The following MYO9A variants were observed in gnomAD, a reference collection of about 807,000 sequenced individuals.
MYO9A encodes the protein myosin IXA.
A neutral mutation model predicts 293.3 loss-of-function variants in MYO9A; 103 were observed. That is an observed-to-expected ratio of 0.35 (90% confidence interval 0.30 to 0.41). The LOEUF (loss-of-function observed/expected upper bound fraction) is 0.41, where lower values mean the gene tolerates loss of function less well. Among genes scored for constraint, MYO9A ranks in the 10% least tolerant of loss-of-function variants. MYO9A has a pLI of 1.00. For missense variants in MYO9A, 2,685 were observed against 3,033.0 expected, an observed-to-expected ratio of 0.89 and a Z score of 2.69; for synonymous variants, 1,001 against 1,035.7, an observed-to-expected ratio of 0.97 and a Z score of 0.64.
chr15:71,955,573 G>A (rs888150741), intron 14 of MYO9A, among the ~76,000 whole-genome samples: 2 of 152,178 alleles, frequency 1.3e-5, no homozygotes, highest in Non-Finnish European at 2.9e-5. Context: ...CATGGTAGGA[G>A]TATATCACAA....
chr15:72,067,378 C>T (rs2079053185), intron 1 of MYO9A, among the ~76,000 whole-genome samples: 1 of 151,934 alleles, frequency 6.6e-6, no homozygotes, highest in African/African-American at 2.4e-5. Flanking sequence ...GGCGCAGTAT[C>T]GACTCACTGT....
At chr15:71,949,520 G>C (rs2059004439) in intron 15 of MYO9A, among the ~76,000 whole-genome samples, 2 of 151,360 alleles carry the variant, frequency 1.3e-5, no homozygotes, top group East Asian at 3.9e-4. Context: ...CTCCAATTAA[G>C]GCAGAAAGAC....
At chr15:71,887,855 A>G (rs534042749) in intron 27 of MYO9A, 149 bp downstream of exon 27, 3 of 476,434 alleles carry the variant, frequency 6.3e-6, no homozygotes, top group African/African-American at 4.0e-5. Flanking sequence ...AACAGTAGGT[A>G]CTTACCATTT....
chr15:71,958,892 A>G (rs2059263158), intron 14 of MYO9A: 2 of 152,236 alleles, frequency 1.3e-5, no homozygotes, highest in African/African-American at 4.8e-5. Context: ...TGCCAAAGGA[A>G]TATACAGATA....
chr15:71,851,727 C>A (rs2055657294), intron 36 of MYO9A, among the ~76,000 whole-genome samples: 1 of 152,152 alleles, frequency 6.6e-6, no homozygotes, highest in Non-Finnish European at 1.5e-5. Flanking sequence ...GCACTTACAG[C>A]ACTGAGAAAC....
chr15:71,965,098 T>G (rs2147168270), intron 13 of MYO9A, among the ~76,000 whole-genome samples: 1 of 151,884 alleles, frequency 6.6e-6, no homozygotes, highest in South Asian at 2.1e-4. Flanking sequence ...TAATGTTCAG[T>G]ATAAAATATT....
chr15:71,865,806 A>G (rs535714856), intron 32 of MYO9A, among the ~76,000 whole-genome samples: 1 of 152,304 alleles, frequency 6.6e-6, no homozygotes, highest in South Asian at 2.1e-4. Flanking sequence ...TAAATAGTTA[A>G]ATTTTGTTAT....
At chr15:72,061,112 A>G (rs1043392049) in intron 1 of MYO9A, among the ~76,000 whole-genome samples, 1 of 152,194 alleles carries the variant, frequency 6.6e-6, no homozygotes, top group African/African-American at 2.4e-5. Flanking sequence ...GGAAAGACCC[A>G]GTCCTGGCAG....
chr15:72,035,591 C>T (rs2078020529), intron 2 of MYO9A, among the ~76,000 whole-genome samples: 1 of 152,100 alleles, frequency 6.6e-6, no homozygotes, highest in African/African-American at 2.4e-5. Context: ...CTGCTTGAAG[C>T]CAGGAGTTTG....
chr15:71,881,774 A>G (rs1225248473), intron 28 of MYO9A, among the ~76,000 whole-genome samples: 1 of 152,212 alleles, frequency 6.6e-6, no homozygotes, highest in Non-Finnish European at 1.5e-5. Flanking sequence ...TGCTTATAAT[A>G]TGAATTTTCA....
At chr15:71,843,600 C>T (rs935882087) in intron 39 of MYO9A, among the ~76,000 whole-genome samples, 2 of 152,136 alleles carry the variant, frequency 1.3e-5, no homozygotes. Flanking sequence ...GCGATCCTCC[C>T]ACCTCAGCCT....
chr15:71,991,403 T>A (rs2076538540), intron 10 of MYO9A, among the ~76,000 whole-genome samples, 166 bp from the exon 11 acceptor site: 1 of 152,240 alleles, frequency 6.6e-6, no homozygotes, highest in Non-Finnish European at 1.5e-5. Flanking sequence ...ATTTTAGTTA[T>A]CTTTATCTTA....
intron 5 of MYO9A, among the ~76,000 whole-genome samples, chr15:72,020,661 A>G (rs2077477413): frequency 6.6e-6 from 1 of 152,184 alleles, no homozygotes; most frequent in Admixed American, 6.5e-5. Flanking sequence ...AAATATCAAT[A>G]AACAGCTTAT....
chr15:71,867,410 A>G (rs991787872), intron 32 of MYO9A, among the ~76,000 whole-genome samples: 12 of 152,200 alleles, frequency 7.9e-5, no homozygotes, highest in African/African-American at 2.9e-4. Flanking sequence ...TTTCTTAAAA[A>G]TCTTCCACAT....
intron 26 of MYO9A, chr15:71,889,918 A>C (rs1015581942): frequency 6.6e-6 from 1 of 152,228 alleles, no homozygotes; most frequent in Non-Finnish European, 1.5e-5. Flanking sequence ...CTAAGTGTAT[A>C]GTCAACAGTG....
At chr15:72,044,684 C>T (rs922312228) in intron 2 of MYO9A, among the ~76,000 whole-genome samples, 1 of 152,184 alleles carries the variant, frequency 6.6e-6, no homozygotes, top group African/African-American at 2.4e-5. Context: ...ACTTGTAAAA[C>T]ATCCCACAAC....
chr15:71,897,327 G>C (rs2057358371), intron 25 of MYO9A, 134 bp downstream of exon 25: 6 of 938,292 alleles, frequency 6.4e-6, no homozygotes, highest in Non-Finnish European at 9.6e-6. Context: ...TCAACAATTA[G>C]GGAATATTTT....
At chr15:71,838,191 T>C (rs2055014274) in intron 39 of MYO9A, among the ~76,000 whole-genome samples, 1 of 152,162 alleles carries the variant, frequency 6.6e-6, no homozygotes, top group Non-Finnish European at 1.5e-5. Flanking sequence ...AGCTAATCTT[T>C]CTATTTACTT....
At chr15:71,851,031 T>A (rs1005963283) in intron 37 of MYO9A, among the ~76,000 whole-genome samples, 4 of 152,274 alleles carry the variant, frequency 2.6e-5, no homozygotes, top group African/African-American at 9.6e-5. Flanking sequence ...AGGCTGAAGC[T>A]GTTACATGGT....
Sources: allele counts gnomAD v4.1 joint callset (sites outside exome capture counted in the v4.1 genomes callset), GRCh38; gene constraint gnomAD v4.1.1; transcripts MANE v1.5; gene names NCBI Gene and HGNC (gene_info 2026-07-23, HGNC 2026-07-21).